The following HLA-DQA1 variants were observed in gnomAD, a reference collection of about 807,000 sequenced individuals.
HLA-DQA1 encodes major histocompatibility complex, class II, DQ alpha 1, also known as HLA class II histocompatibility antigen, DQ alpha 1 chain.
A neutral mutation model predicts 20.7 loss-of-function variants in HLA-DQA1; 10 were observed. The observed-to-expected ratio is 0.48, with a 90% CI of 0.30 to 0.82. The LOEUF is 0.82. Among genes scored for constraint, HLA-DQA1 ranks in the 40% least tolerant of loss-of-function variants. The probability of loss-of-function intolerance (pLI) is 0.07; values close to 1 mark genes in which losing one functional copy is unlikely to be tolerated. For synonymous variants in HLA-DQA1, 39 were observed against 109.2 expected (o/e 0.36, Z 4.01); for missense variants, 127 against 293.0 (o/e 0.43, Z 4.14).
At chr6:32,649,836 T>C (rs530411990), downstream of HLA-DQA1, among the ~76,000 whole-genome samples, 1 of 94,458 alleles carries the variant, frequency 1.1e-5, no homozygotes, top group Non-Finnish European at 2.3e-5. Context: ...AATTGACAAA[T>C]GGGATCTAAT....
At chr6:32,640,391 CAT>C (rs9279904) in intron 1 of HLA-DQA1, among the ~76,000 whole-genome samples, 3,189 of 78,886 alleles carry the variant, frequency 0.04, 256 homozygotes, top group Middle Eastern at 0.08. Flanking sequence ...AAGGCTTACA[CAT>C]GTCTTGACAA....
At chr6:32,645,512 T>G (rs1582010602), downstream of HLA-DQA1, 1 of 145,294 alleles carries the variant, frequency 6.9e-6, no homozygotes, top group Non-Finnish European at 1.5e-5. Flanking sequence ...CGGGGCTCAG[T>G]TGGTAATGCT....
chr6:32,640,196 G>A (rs28383401), intron 1 of HLA-DQA1, among the ~76,000 whole-genome samples: 2,387 of 83,846 alleles, frequency 0.028, 135 homozygotes, highest in East Asian at 0.063. Context: ...TAAGGCTGTC[G>A]ATATCCTCCT....
chr6:32,643,979 C>G (rs9273023), downstream of HLA-DQA1: 41,272 of 146,448 alleles, frequency 0.28, 6,783 homozygotes, highest in Middle Eastern at 0.46. Context: ...CCCTGTGCCA[C>G]TCTGGCATGA....
chr6:32,640,208 A>G (rs28383402), intron 1 of HLA-DQA1, among the ~76,000 whole-genome samples: 1,654 of 83,800 alleles, frequency 0.02, 60 homozygotes, highest in East Asian at 0.043. Flanking sequence ...TATCCTCCTC[A>G]GAGAACTTAC....
chr6:32,647,928 A>G (rs1412550915), downstream of HLA-DQA1, among the ~76,000 whole-genome samples: 1 of 152,154 alleles, frequency 6.6e-6, no homozygotes, highest in Non-Finnish European at 1.5e-5. Flanking sequence ...CATAGAAATT[A>G]CACTGTAGTG....
rs707947 is a variant in HLA-DQA1 at position 32,643,291 on chromosome 6, A to G, written c.*360A>G. On this transcript the variant is annotated 3_prime_UTR_variant, in exon 5 of 5. Coordinates refer to ENST00000343139, the MANE Select transcript of HLA-DQA1 (RefSeq NM_002122.5). Reference sequence around the variant, plus strand: ...TGTCAAATTTTTCCATCTTTCATCCAGGGCTGACTGAAACTATGGCTAATA... The same window carrying G: ...TGTCAAATTTTTCCATCTTTCATCCGGGGCTGACTGAAACTATGGCTAATA... The G allele has an allele frequency of 0.075, 20,417 of 272,522 alleles. 3,763 individuals carry two copies. Among genetic ancestry groups the G allele is most frequent in the African/African-American group, 0.11 (4,172 of 39,438 alleles). The allele number at this position is 272,522 out of a possible 1,614,324, so 16.9% of individuals were successfully genotyped here. A position where few individuals can be genotyped will look rare whatever the true frequency, so the allele number is the denominator to read the frequency against.
At chr6:32,637,964 C>G (rs530940387) in intron 1 of HLA-DQA1, among the ~76,000 whole-genome samples, 1 of 110,980 alleles carries the variant, frequency 9.0e-6, no homozygotes, top group African/African-American at 3.3e-5. Flanking sequence ...CAATTATGTA[C>G]TCTATAGATA....
downstream of HLA-DQA1, among the ~76,000 whole-genome samples, chr6:32,648,676 T>A (rs1189380722): frequency 3.1e-5 from 3 of 97,398 alleles, 1 homozygote; most frequent in East Asian, 9.8e-4. Context: ...GCCAATATCT[T>A]ACTGAATGGG....
downstream of HLA-DQA1, chr6:32,645,919 T>A (rs9273213): frequency 6.7e-3 from 200 of 29,924 alleles, no homozygotes; most frequent in Non-Finnish European, 7.5e-3. Context: ...CTGAATGGCA[T>A]AATGACCAGA....
the HLA-DQA1 span, among the ~76,000 whole-genome samples, chr6:32,652,946 G>T: frequency 0.55 from 79,937 of 145,508 alleles, 23,619 homozygotes; most frequent in Middle Eastern, 0.7. Context: ...AGCTGTAAGA[G>T]CCTTTCAGAG....
intron 1 of HLA-DQA1, among the ~76,000 whole-genome samples, chr6:32,640,904 A>G (rs9272662): frequency 0.39 from 32,976 of 83,952 alleles, 9,638 homozygotes; most frequent in Middle Eastern, 0.52. Context: ...GTTATTAACC[A>G]ATGAAAGAAT....
At chr6:32,641,825 G>A in intron 2 of HLA-DQA1, 147 bp from the exon 3 acceptor site, 1 of 606,976 alleles carries the variant, frequency 1.6e-6, no homozygotes, top group Non-Finnish European at 2.7e-6. Context: ...CAGAGGCAAT[G>A]TGTCGTTGCT....
chr6:32,641,630 A>T (rs1781430534), intron 2 of HLA-DQA1, 72 bp downstream of exon 2: 1 of 785,572 alleles, frequency 1.3e-6, no homozygotes. Flanking sequence ...TTTTCTTCCC[A>T]AGAGGTCCCC....
downstream of HLA-DQA1, among the ~76,000 whole-genome samples, chr6:32,650,382 T>G (rs1441868897): frequency 2.1e-5 from 2 of 97,362 alleles, 1 homozygote; most frequent in Non-Finnish European, 4.6e-5. Context: ...ATCATGCTAC[T>G]ATAAAGACAC....
chr6:32,651,588 C>CAAAAAAAA (rs70996710), downstream of HLA-DQA1, among the ~76,000 whole-genome samples: 6 of 15,286 alleles, frequency 3.9e-4, no homozygotes, highest in African/African-American at 3.9e-4. Context: ...CGTCTCAAAG[C>CAAAAAAAA]AAAAAAAAAA....
At chr6:32,640,823 AAAAG>A (rs768146073) in intron 1 of HLA-DQA1, among the ~76,000 whole-genome samples, 1 of 111,768 alleles carries the variant, frequency 8.9e-6, no homozygotes, top group Non-Finnish European at 1.9e-5. Flanking sequence ...AAAAAAAAAA[AAAAG>A]AAAGATCTCT....
At chr6:32,643,751 T>C (rs990977319), downstream of HLA-DQA1, 13 of 109,076 alleles carry the variant, frequency 1.2e-4, no homozygotes, top group African/African-American at 3.7e-4. Flanking sequence ...GAGATAAAAA[T>C]TCTTTAGGCA....
At position 32,639,925 on chromosome 6, in the gene HLA-DQA1, G is replaced by A. The variant is rs1392299631; in HGVS notation, c.83-1385G>A. 8.5e-5 allele frequency: 5 copies of A among 58,802 alleles called. 2 individuals carry two copies. The highest frequency in any genetic ancestry group is 2.5e-4 in the African/African-American group (5 of 19,898). 3.6% of individuals were successfully genotyped at this position (58,802 alleles called of 1,614,324 possible). A position where few individuals can be genotyped will look rare whatever the true frequency, so the allele number is the denominator to read the frequency against. On this transcript the variant is annotated intron_variant, in intron 1 of 4. Coordinates refer to ENST00000343139, the MANE Select transcript of HLA-DQA1 (RefSeq NM_002122.5). ...AAGAAGGTGAGCTGGAAGAGGAACA[G>A]ACAACTTGGACAGCCAGATGTTGAG...
Sources: allele counts gnomAD v4.1 joint callset (sites outside exome capture counted in the v4.1 genomes callset), GRCh38; gene constraint gnomAD v4.1.1; transcripts MANE v1.5; gene names NCBI Gene and HGNC (gene_info 2026-07-23, HGNC 2026-07-21).